Variants in LRRC4C observed in about 807,000 individuals in gnomAD.
LRRC4C encodes leucine-rich repeat-containing protein 4C.
Under a neutral mutation model 33.6 loss-of-function variants are expected in LRRC4C, and 5 were observed. That is an observed-to-expected ratio of 0.15 (90% CI 0.08 to 0.31). The LOEUF (loss-of-function observed/expected upper bound fraction) is 0.31. Among genes scored for constraint, LRRC4C ranks in the 10% least tolerant of loss-of-function variants. The pLI, the probability that LRRC4C is intolerant of heterozygous loss-of-function variation, is 1.00. For synonymous variants in LRRC4C, 329 were observed against 302.0 expected, an observed-to-expected ratio of 1.09 and a Z score of -0.93; for missense variants, 560 against 796.7, an observed-to-expected ratio of 0.70 and a Z score of 3.58.
intron 1 of LRRC4C, among the ~76,000 whole-genome samples, chr11:40,941,752 C>T (rs1958156181): frequency 6.6e-6 from 1 of 152,042 alleles, no homozygotes; most frequent in South Asian, 2.1e-4. Flanking sequence ...TAAATACTCA[C>T]TAAGGATCAA....
intron 1 of LRRC4C, among the ~76,000 whole-genome samples, chr11:40,987,642 T>TG (rs1555029019): frequency 5.0e-5 from 3 of 59,758 alleles, no homozygotes; most frequent in African/African-American, 1.3e-4. Flanking sequence ...TATATATATA[T>TG]ATATATATAT....
chr11:40,560,973 A>G (rs1258764771), intron 3 of LRRC4C, among the ~76,000 whole-genome samples: 2 of 152,238 alleles, frequency 1.3e-5, no homozygotes. Flanking sequence ...CATTTGAGAA[A>G]TAAGAGATCA....
chr11:40,885,960 G>A (rs1955434543), intron 2 of LRRC4C, among the ~76,000 whole-genome samples: 1 of 151,976 alleles, frequency 6.6e-6, no homozygotes, highest in South Asian at 2.1e-4. Context: ...AAGCAGACAG[G>A]CCTCTCCCAT....
intron 3 of LRRC4C, among the ~76,000 whole-genome samples, chr11:40,567,333 G>GA (rs1488697330): frequency 8.6e-5 from 13 of 151,754 alleles, no homozygotes; most frequent in South Asian, 4.2e-4. Context: ...GCCAAGTACA[G>GA]AAAAAAAAGG....
At chr11:40,762,153 T>A (rs563736683) in intron 2 of LRRC4C, among the ~76,000 whole-genome samples, 21 of 152,262 alleles carry the variant, frequency 1.4e-4, no homozygotes, top group African/African-American at 5.1e-4. Flanking sequence ...GGAAAGCTAC[T>A]CCTCTTAGAA....
chr11:40,695,167 C>T (rs1486377021), intron 2 of LRRC4C, among the ~76,000 whole-genome samples: 2 of 152,092 alleles, frequency 1.3e-5, no homozygotes, highest in Non-Finnish European at 2.9e-5. Flanking sequence ...AGGAAATAAT[C>T]CATTATGCTT....
At chr11:40,142,754 G>A (rs1295225797) in intron 5 of LRRC4C, among the ~76,000 whole-genome samples, 1 of 151,926 alleles carries the variant, frequency 6.6e-6, no homozygotes, top group African/African-American at 2.4e-5. Context: ...CACTCTCTAG[G>A]TGGTCGTATA....
chr11:41,016,122 G>T (rs1590245141), intron 1 of LRRC4C, among the ~76,000 whole-genome samples: 1 of 151,692 alleles, frequency 6.6e-6, no homozygotes, highest in South Asian at 2.1e-4. Flanking sequence ...TAAATGCAAA[G>T]AGATCTAAAC....
At chr11:40,318,138 A>C (rs1371267119) in intron 4 of LRRC4C, among the ~76,000 whole-genome samples, 1 of 152,136 alleles carries the variant, frequency 6.6e-6, no homozygotes, top group East Asian at 1.9e-4. Context: ...AATATCAAAT[A>C]TAGATATCAC....
At chr11:40,478,971 A>G (rs1953397875) in intron 3 of LRRC4C, among the ~76,000 whole-genome samples, 1 of 152,192 alleles carries the variant, frequency 6.6e-6, no homozygotes, top group African/African-American at 2.4e-5. Flanking sequence ...TAACTTTTAA[A>G]ACACTTTTAT....
chr11:41,032,549 T>C (rs548435575), intron 1 of LRRC4C, among the ~76,000 whole-genome samples: 1 of 152,152 alleles, frequency 6.6e-6, no homozygotes, highest in African/African-American at 2.4e-5. Context: ...ATAAAATCTT[T>C]GGAAATTTTA....
intron 3 of LRRC4C, among the ~76,000 whole-genome samples, chr11:40,566,097 T>TTTG (rs1957755359): frequency 6.7e-6 from 1 of 148,930 alleles, no homozygotes; most frequent in African/African-American, 2.4e-5. Context: ...TTTTTTTTTT[T>TTTG]TTTTTTTTTT....
intron 3 of LRRC4C, among the ~76,000 whole-genome samples, chr11:40,464,666 T>C (rs1243232649): frequency 1.3e-5 from 2 of 152,040 alleles, no homozygotes; most frequent in Non-Finnish European, 2.9e-5. Flanking sequence ...TTGAGTAGCA[T>C]ATCTATACAG....
chr11:41,238,298 C>A (rs2136522147), intron 1 of LRRC4C, among the ~76,000 whole-genome samples: 1 of 152,240 alleles, frequency 6.6e-6, no homozygotes, highest in East Asian at 1.9e-4. Context: ...GTAGAAACAT[C>A]TATTCACATC....
At chr11:41,310,975 C>A (rs1950628365) in intron 1 of LRRC4C, among the ~76,000 whole-genome samples, 1 of 152,184 alleles carries the variant, frequency 6.6e-6, no homozygotes, top group Non-Finnish European at 1.5e-5. Flanking sequence ...CAAAGCACAA[C>A]CTTCACACAC....
At chr11:40,842,930 C>T (rs891721606) in intron 2 of LRRC4C, among the ~76,000 whole-genome samples, 2 of 152,100 alleles carry the variant, frequency 1.3e-5, no homozygotes, top group Middle Eastern at 3.2e-3. Flanking sequence ...CACTTCTTAC[C>T]CATTAGAGCA....
intron 1 of LRRC4C, among the ~76,000 whole-genome samples, chr11:41,027,437 C>G (rs1191246517): frequency 3.3e-5 from 5 of 151,620 alleles, no homozygotes; most frequent in Non-Finnish European, 5.9e-5. Flanking sequence ...CAATCTAAAA[C>G]TTAGCACTCA....
chr11:40,554,473 A>G (rs1379553999), intron 3 of LRRC4C, among the ~76,000 whole-genome samples: 1 of 152,110 alleles, frequency 6.6e-6, no homozygotes, highest in Non-Finnish European at 1.5e-5. Flanking sequence ...GAATTTTAGA[A>G]TAGCTTTTTT....
chr11:40,870,140 G>T (rs954738397), intron 2 of LRRC4C, among the ~76,000 whole-genome samples: 1 of 152,024 alleles, frequency 6.6e-6, no homozygotes, highest in African/African-American at 2.4e-5. Flanking sequence ...CAAATAAAAA[G>T]AAAACAACAA....
Sources: allele counts gnomAD v4.1 joint callset (sites outside exome capture counted in the v4.1 genomes callset), GRCh38; gene constraint gnomAD v4.1.1; transcripts MANE v1.5; gene names NCBI Gene and HGNC (gene_info 2026-07-23, HGNC 2026-07-21).